Variants in TBC1D5 observed in about 807,000 individuals in gnomAD.
The protein encoded by TBC1D5 is TBC1 domain family member 5.
Under a neutral mutation model 100.3 loss-of-function variants are expected in TBC1D5, and 75 were observed. The observed-to-expected ratio is 0.75, with a 90% CI of 0.62 to 0.91. The LOEUF (loss-of-function observed/expected upper bound fraction) is 0.91. Ranked by LOEUF, TBC1D5 falls within the 40% of genes least tolerant of loss-of-function variation. The pLI is 0.00. For missense variants in TBC1D5, 910 were observed against 942.4 expected (o/e 0.97, Z 0.45); for synonymous variants, 323 against 325.6 (o/e 0.99, Z 0.09).
chr3:17,679,243 G>A (rs1482721163), intron 1 of TBC1D5, among the ~76,000 whole-genome samples: 1 of 151,228 alleles, frequency 6.6e-6, no homozygotes, highest in Non-Finnish European at 1.5e-5. Context: ...TAATGCAACA[G>A]AGACCACACC....
chr3:17,386,079 C>G (rs1360492997), intron 8 of TBC1D5, among the ~76,000 whole-genome samples: 2 of 152,000 alleles, frequency 1.3e-5, no homozygotes, highest in East Asian at 3.9e-4. Flanking sequence ...AATAAAATAA[C>G]TTGGTATAGA....
At chr3:17,434,371 G>T (rs946160874) in intron 3 of TBC1D5, among the ~76,000 whole-genome samples, 1 of 152,156 alleles carries the variant, frequency 6.6e-6, no homozygotes, top group Non-Finnish European at 1.5e-5. Context: ...ATCAATTCTT[G>T]TCTTCTGCAC....
At chr3:17,212,365 T>C (rs1354264656) in intron 18 of TBC1D5, among the ~76,000 whole-genome samples, 2 of 152,194 alleles carry the variant, frequency 1.3e-5, no homozygotes, top group African/African-American at 2.4e-5. Context: ...GCCAGCCTAC[T>C]GTGCGGCCAG....
At chr3:17,303,234 C>A (rs2083040860) in intron 14 of TBC1D5, among the ~76,000 whole-genome samples, 1 of 152,220 alleles carries the variant, frequency 6.6e-6, no homozygotes, top group Non-Finnish European at 1.5e-5. Context: ...CCACCTTGCT[C>A]TTTGATTCTT....
intron 1 of TBC1D5, among the ~76,000 whole-genome samples, chr3:17,667,127 T>A (rs2067351228): frequency 6.6e-6 from 1 of 152,234 alleles, no homozygotes; most frequent in African/African-American, 2.4e-5. Context: ...AAAAGCTTTG[T>A]AAATGAGATG....
chr3:17,506,081 C>G (rs2095842079), intron 3 of TBC1D5, among the ~76,000 whole-genome samples: 1 of 152,074 alleles, frequency 6.6e-6, no homozygotes, highest in African/African-American at 2.4e-5. Flanking sequence ...AATGAGTCAT[C>G]CAGTAGTAAC....
At chr3:17,381,981 A>T (rs981790804) in intron 9 of TBC1D5, among the ~76,000 whole-genome samples, 9 of 152,080 alleles carry the variant, frequency 5.9e-5, no homozygotes, top group African/African-American at 2.2e-4. Context: ...AGACTGTTTC[A>T]CTGAACAATG....
chr3:17,682,768 A>G (rs1179941668), intron 1 of TBC1D5, among the ~76,000 whole-genome samples: 1 of 151,614 alleles, frequency 6.6e-6, no homozygotes, highest in Non-Finnish European at 1.5e-5. Flanking sequence ...CTATTAATAA[A>G]TCGTGTTCCT....
intron 3 of TBC1D5, among the ~76,000 whole-genome samples, chr3:17,446,368 C>T (rs940178775): frequency 9.2e-5 from 14 of 151,860 alleles, no homozygotes; most frequent in Admixed American, 8.5e-4. Flanking sequence ...ATTAAGGTGA[C>T]AAATCTATTG....
exon 1 of TBC1D5, chr3:17,740,647 C>G (rs191236002): frequency 5.3e-4 from 81 of 152,276 alleles, no homozygotes; most frequent in Middle Eastern, 3.4e-3. Context: ...CCAGTTAGAA[C>G]ACCCACTGTA....
intron 2 of TBC1D5, among the ~76,000 whole-genome samples, chr3:17,523,936 T>A (rs1403329052): frequency 6.6e-6 from 1 of 152,214 alleles, no homozygotes; most frequent in Non-Finnish European, 1.5e-5. Context: ...GGAGGATGAC[T>A]GGGAGAAGTT....
intron 14 of TBC1D5, among the ~76,000 whole-genome samples, chr3:17,299,817 C>T (rs1440161801): frequency 7.3e-6 from 1 of 136,756 alleles, no homozygotes; most frequent in African/African-American, 2.8e-5. Context: ...CGAGATTGTG[C>T]CACTGCACTC....
intron 14 of TBC1D5, among the ~76,000 whole-genome samples, chr3:17,294,710 G>C (rs980926803): frequency 2.6e-5 from 4 of 152,206 alleles, no homozygotes; most frequent in African/African-American, 7.2e-5. Flanking sequence ...CAGAGACTAT[G>C]CTAGGCACCT....
chr3:17,722,641 T>G (rs1221546685), intron 1 of TBC1D5, among the ~76,000 whole-genome samples: 2 of 152,208 alleles, frequency 1.3e-5, no homozygotes, highest in Admixed American at 6.5e-5. Flanking sequence ...TCAGTGCCTT[T>G]TACAAACATA....
intron 13 of TBC1D5, among the ~76,000 whole-genome samples, chr3:17,339,357 C>T (rs1162214938): frequency 3.3e-5 from 5 of 152,156 alleles, no homozygotes; most frequent in Non-Finnish European, 5.9e-5. Flanking sequence ...TGCCAAGTCC[C>T]CTGTGAGCAA....
chr3:17,371,356 T>C (rs538979650), intron 13 of TBC1D5, among the ~76,000 whole-genome samples: 23 of 152,324 alleles, frequency 1.5e-4, no homozygotes, highest in Admixed American at 2.6e-4. Context: ...TTGGAATGCT[T>C]GGTTCAATGA....
chr3:17,486,523 T>A (rs2095570637), intron 3 of TBC1D5, among the ~76,000 whole-genome samples: 1 of 152,188 alleles, frequency 6.6e-6, no homozygotes, highest in South Asian at 2.1e-4. Context: ...TCACAGTACA[T>A]GAGTAGTAGT....
Position 17,634,714 on chromosome 3 carries a change from T to C in TBC1D5, c.-100-10801A>G, listed in dbSNP as rs540867933. Among the ~76,000 whole-genome samples, 182 of 152,076 alleles carry C rather than the reference T, an allele frequency of 1.2e-3. 2 individuals carry two copies. The highest frequency in any genetic ancestry group is 4.0e-3 in the African/African-American group (167 of 41,530). ...GTCAATAATAATTTAATTGTACTTT[T>C]AAAAACACTTAAAAGAATAGTTGGA... On this transcript the variant is annotated intron_variant, in intron 1 of 21. Coordinates refer to ENST00000253692, the Ensembl canonical transcript of TBC1D5.
Position 17,500,857 on chromosome 3 carries a change from G to C in TBC1D5, c.97+7617C>G, listed in dbSNP as rs1042401163. 2.0e-5 allele frequency among the ~76,000 whole-genome samples: 3 copies of C among 149,220 alleles called. 1 individual carries two copies. Among genetic ancestry groups the C allele is most frequent in the African/African-American group, 7.7e-5 (3 of 39,146 alleles). Reference sequence around the variant, plus strand: ...CATACCTTGAATTGGCATTTCTAGAGGATGACTCACAGATTTCTAACTCAT... The same window carrying C: ...CATACCTTGAATTGGCATTTCTAGACGATGACTCACAGATTTCTAACTCAT... On this transcript the variant is annotated intron_variant, in intron 3 of 21. Transcript: ENST00000253692.
Sources: allele counts gnomAD v4.1 joint callset (sites outside exome capture counted in the v4.1 genomes callset), GRCh38; gene constraint gnomAD v4.1.1; transcripts MANE v1.5; gene names NCBI Gene and HGNC (gene_info 2026-07-23, HGNC 2026-07-21).